COA1: variants seen among roughly 807,000 people sequenced by gnomAD.
COA1 encodes the protein cytochrome c oxidase assembly factor 1 homolog.
In COA1, 13 loss-of-function variants were observed where a neutral mutation model predicts 16.0. The observed-to-expected ratio is 0.81, with a 90% confidence interval of 0.53 to 1.29. COA1 has a LOEUF of 1.29. COA1 is among the 50% of genes most tolerant of loss of function. The probability of loss-of-function intolerance (pLI) is 0.00; values close to 1 mark genes in which losing one functional copy is unlikely to be tolerated. For missense variants in COA1, 179 were observed against 177.0 expected (o/e 1.01, Z -0.06); for synonymous variants, 65 against 65.7 (o/e 0.99, Z 0.05).
intron 4 of COA1, among the ~76,000 whole-genome samples, chr7:43,643,602 T>G (rs67210429): frequency 1.3e-5 from 2 of 152,094 alleles, no homozygotes; most frequent in Non-Finnish European, 1.5e-5. Context: ...GACCATCACC[T>G]CTGACCCACC....
chr7:43,641,489 C>T (rs1295290385), intron 4 of COA1: 5 of 152,124 alleles, frequency 3.3e-5, no homozygotes, highest in Non-Finnish European at 5.9e-5. Flanking sequence ...GCTATAGGTG[C>T]TCACAGTATA....
chr7:43,686,618 G>C (rs1049333046), intron 1 of COA1, among the ~76,000 whole-genome samples: 8 of 152,224 alleles, frequency 5.3e-5, no homozygotes, highest in African/African-American at 1.9e-4. Flanking sequence ...TAATAAATTA[G>C]AGAAAGGAAA....
intron 1 of COA1, among the ~76,000 whole-genome samples, chr7:43,727,195 G>C (rs1331498913): frequency 6.6e-6 from 1 of 152,204 alleles, no homozygotes; most frequent in Non-Finnish European, 1.5e-5. Flanking sequence ...GGAATGGCTA[G>C]AATCAGAAAG....
intron 1 of COA1, among the ~76,000 whole-genome samples, chr7:43,651,571 G>A (rs181077435): frequency 1.3e-4 from 19 of 151,922 alleles, no homozygotes; most frequent in East Asian, 5.8e-4. Context: ...ATCACCAGGC[G>A]GATCAACAGA....
intron 6 of COA1, chr7:43,623,297 T>G: frequency 2.8e-6 from 1 of 351,524 alleles, no homozygotes; most frequent in South Asian, 3.4e-5. Flanking sequence ...ACACAGAGAT[T>G]GTCAGTTTAT....
chr7:43,632,109 G>A (rs557003319), intron 6 of COA1: 1 of 152,638 alleles, frequency 6.6e-6, no homozygotes, highest in East Asian at 1.9e-4. Flanking sequence ...AAAATTAGGA[G>A]TCAATCCTCT....
At chr7:43,689,480 A>AT (rs201311467) in intron 1 of COA1, among the ~76,000 whole-genome samples, 8 of 150,680 alleles carry the variant, frequency 5.3e-5, no homozygotes, top group Admixed American at 1.3e-4. Flanking sequence ...TTTGGCTAGA[A>AT]TTTTTTTTTT....
intron 1 of COA1, among the ~76,000 whole-genome samples, chr7:43,673,669 C>A (rs1374953307): frequency 1.3e-5 from 2 of 152,160 alleles, no homozygotes; most frequent in African/African-American, 4.8e-5. Flanking sequence ...ATAAAAATTG[C>A]TCTTCCATAA....
intron 6 of COA1, among the ~76,000 whole-genome samples, chr7:43,619,132 A>G (rs1188461229): frequency 6.6e-6 from 1 of 152,234 alleles, no homozygotes; most frequent in African/African-American, 2.4e-5. Context: ...CCTGAAAGAC[A>G]CAGACGGGAT....
intron 1 of COA1, among the ~76,000 whole-genome samples, chr7:43,705,215 C>T (rs1223350566): frequency 1.3e-5 from 2 of 152,340 alleles, no homozygotes; most frequent in African/African-American, 4.8e-5. Context: ...GGCAACAACA[C>T]TCCGATGGCA....
In COA1 at chr7:43,639,635, T is replaced by A. The variant is rs2086549735; in HGVS notation, c.388A>T (p.Ile130Phe). The change falls in exon 6 of 6, where the codon ATT (isoleucine) becomes TTT (phenylalanine). Residue 130 changes from isoleucine (I) to phenylalanine (F), a missense_variant. Ile to Phe is a conservative substitution (Grantham distance 21). Transcript: ENST00000223336. ...TCCCCACTGAGCTTGAACACAGGAA[T>A]CTGCTGACCATCCTTGAGCTCTAAA... is the stretch of plus-strand genomic sequence containing the variant. ...VFLELKDGQQ[I>F]PVFKLSGENG... is the part of the protein sequence containing the mutation. 1 of 1,613,962 alleles carries A rather than the reference T, an allele frequency of 6.2e-7. No homozygotes were observed. The highest frequency in any genetic ancestry group is 8.5e-7 in the Non-Finnish European group (1 of 1,179,986).
chr7:43,622,499 A>C (rs1405365114), intron 6 of COA1: 3 of 151,760 alleles, frequency 2.0e-5, no homozygotes, highest in African/African-American at 7.3e-5. Context: ...CTGTGGATTC[A>C]GTACTTATTG....
chr7:43,630,697 G>A (rs1365824825), intron 6 of COA1, among the ~76,000 whole-genome samples: 3 of 152,122 alleles, frequency 2.0e-5, no homozygotes, highest in Admixed American at 6.5e-5. Context: ...ACAGGGAGTT[G>A]AAAAGACAGT....
rs185187945 is a variant in COA1 at position 43,690,696 on chromosome 7, A to T, written c.-39+38733T>A. Among the ~76,000 whole-genome samples the T allele has an allele frequency of 1.5e-3, 233 of 151,418 alleles. 1 individual carries two copies. The highest frequency in any genetic ancestry group is 3.8e-3 in the South Asian group (18 of 4,766). On this transcript the variant is annotated intron_variant, in intron 1 of 5. Transcript: ENST00000223336. ...ACCTATTGAAATAGAAAAATAAATT[A>T]AAAAAAAATAATGTAAATTGTCTAA...
At chr7:43,636,702 A>T (rs1754225645), downstream of COA1, among the ~76,000 whole-genome samples, 1 of 152,368 alleles carries the variant, frequency 6.6e-6, no homozygotes, top group South Asian at 2.1e-4. Context: ...ATCAGGTATT[A>T]TCATGTCCTT....
At chr7:43,695,541 A>G (rs181228153) in intron 1 of COA1, among the ~76,000 whole-genome samples, 1 of 152,184 alleles carries the variant, frequency 6.6e-6, no homozygotes, top group Admixed American at 6.6e-5. Context: ...TCCCTTCACT[A>G]GAATGTATGC....
intron 1 of COA1, among the ~76,000 whole-genome samples, chr7:43,661,145 T>C (rs1459521831): frequency 6.6e-6 from 1 of 152,242 alleles, no homozygotes; most frequent in Non-Finnish European, 1.5e-5. Flanking sequence ...ACTTTCACAA[T>C]AGTTACTTTA....
intron 1 of COA1, among the ~76,000 whole-genome samples, chr7:43,672,799 A>G (rs1474144862): frequency 1.3e-5 from 2 of 151,546 alleles, no homozygotes; most frequent in Non-Finnish European, 2.9e-5. Flanking sequence ...AGAGAGAGAG[A>G]CAGAAAGAAG....
chr7:43,622,805 A>T (rs2084055146), intron 6 of COA1: 1 of 151,208 alleles, frequency 6.6e-6, no homozygotes, highest in Non-Finnish European at 1.5e-5. Flanking sequence ...GACTCAAGTG[A>T]TCCTCCCACC....
Sources: gnomAD v4.1 joint callset for allele counts (sites outside exome capture counted in the v4.1 genomes callset) on GRCh38, gnomAD v4.1.1 for gene constraint, MANE v1.5 for transcripts, NCBI Gene and HGNC (gene_info 2026-07-23, HGNC 2026-07-21) for gene names.